The following RERE variants were observed in gnomAD, a reference collection of about 807,000 sequenced individuals.
RERE encodes the protein arginine-glutamic acid dipeptide repeats, also known as arginine-glutamic acid dipeptide repeats protein.
In RERE, 40 loss-of-function variants were observed where a neutral mutation model predicts 146.1. The observed-to-expected ratio is 0.27, with a 90% CI of 0.21 to 0.36. The LOEUF is 0.36. Ranked by LOEUF, RERE falls within the 10% of genes least tolerant of loss-of-function variation. The pLI is 1.00. For missense variants in RERE, 1,933 were observed against 2,138.7 expected (o/e 0.90, Z 1.90); for synonymous variants, 1,003 against 866.0 (o/e 1.16, Z -2.78).
chr1:8,423,594 C>T lies in RERE; in HGVS notation c.1204-787G>A. On this transcript the variant is annotated intron_variant, in intron 11 of 22. Transcript: ENST00000400908. This position sits in a 1 kb window ranked among gnomAD's most constrained non-coding sequence, Gnocchi z 5.4. The stretch of plus-strand genomic sequence containing the variant: ...TCCCAGCCTGGTCCCGGGCGGCCGA[C>T]CCCAGCAGCCACAGGTAAGCGCCCG... The T allele has an allele frequency of 1.0e-6, 1 of 985,274 alleles. No individual in the cohort carries two copies. Among genetic ancestry groups the T allele is most frequent in the Non-Finnish European group, 1.2e-6 (1 of 829,894 alleles). 61.0% of individuals were successfully genotyped at this position (985,274 alleles called of 1,614,324 possible).
intron 1 of RERE, among the ~76,000 whole-genome samples, chr1:8,744,640 A>C (rs968574649): frequency 6.6e-6 from 1 of 152,246 alleles, no homozygotes; most frequent in Admixed American, 6.5e-5. Flanking sequence ...GGTCTAAAAG[A>C]GATGACCTTC....
intron 1 of RERE, among the ~76,000 whole-genome samples, chr1:8,767,450 A>T (rs1640869254): frequency 6.6e-6 from 1 of 151,972 alleles, no homozygotes; most frequent in Admixed American, 6.6e-5. Context: ...AAAGCAAGTC[A>T]AAATTAGCTG....
chr1:8,786,991 T>C, intron 1 of RERE: 1 of 604,896 alleles, frequency 1.7e-6, no homozygotes, highest in Non-Finnish European at 2.9e-6. Context: ...AAAGTGATCT[T>C]TATAAGACAG....
chr1:8,403,413 C>A (rs568803293), intron 12 of RERE, among the ~76,000 whole-genome samples: 1 of 149,038 alleles, frequency 6.7e-6, no homozygotes. Context: ...ATCAGCCTTG[C>A]TGTATTATAT....
chr1:8,589,789 C>T (rs1646470061), intron 4 of RERE, among the ~76,000 whole-genome samples: 2 of 152,222 alleles, frequency 1.3e-5, no homozygotes, highest in Admixed American at 1.3e-4. Context: ...GAGGGCTTAG[C>T]CATTCCCAGG....
At chr1:8,751,260 G>A (rs1640529098) in intron 1 of RERE, among the ~76,000 whole-genome samples, 1 of 152,094 alleles carries the variant, frequency 6.6e-6, no homozygotes, top group African/African-American at 2.4e-5. Flanking sequence ...ACCTCTGCCA[G>A]CCCTGCTACT....
intron 4 of RERE, among the ~76,000 whole-genome samples, chr1:8,564,209 G>C (rs1016249296): frequency 1.3e-5 from 2 of 152,300 alleles, no homozygotes; most frequent in East Asian, 3.9e-4. Context: ...AAAGATCAAA[G>C]CTAACTCCAG....
chr1:8,783,073 C>G (rs1641194974), intron 1 of RERE, among the ~76,000 whole-genome samples: 1 of 152,124 alleles, frequency 6.6e-6, no homozygotes, highest in East Asian at 1.9e-4. Context: ...GTGGTTCATG[C>G]CTATAATTCC....
intron 10 of RERE, among the ~76,000 whole-genome samples, chr1:8,476,327 T>C (rs1644755757): frequency 6.6e-6 from 1 of 152,212 alleles, no homozygotes; most frequent in African/African-American, 2.4e-5. Context: ...TCTAGGAAGA[T>C]GTCCCTACCC....
intron 1 of RERE, among the ~76,000 whole-genome samples, chr1:8,730,421 C>T (rs143421494): frequency 2.8e-4 from 43 of 152,294 alleles, no homozygotes; most frequent in African/African-American, 4.1e-4. Flanking sequence ...CGGCTCACCG[C>T]GAGCTCCGCC....
In RERE at chr1:8,673,795, G is replaced by T. The variant is rs1638775005; in HGVS notation, c.-144-17354C>A. ...GCAGTGGCTCATGCCTGTAATCGCA[G>T]CACTTTGGGAGCCAAGGCAGGTAGA... On this transcript the variant is annotated intron_variant, in intron 1 of 22. Transcript: ENST00000400908. 4.6e-5 allele frequency among the ~76,000 whole-genome samples: 7 copies of T among 152,292 alleles called. No individual in the cohort carries two copies. In the South Asian group the frequency reaches 1.4e-3, roughly 32 times the overall value.
intron 1 of RERE, among the ~76,000 whole-genome samples, chr1:8,767,172 G>C (rs1640865100): frequency 6.6e-6 from 1 of 152,168 alleles, no homozygotes. Context: ...AGCATTACTG[G>C]TTGAAAACCG....
chr1:8,510,098 G>A (rs1557665681), intron 7 of RERE, among the ~76,000 whole-genome samples: 1 of 152,134 alleles, frequency 6.6e-6, no homozygotes, highest in African/African-American at 2.4e-5. Context: ...AGGAGGAGAA[G>A]ACGAAGAAGA....
chr1:8,767,345 G>A (rs1640867544), intron 1 of RERE, among the ~76,000 whole-genome samples: 2 of 152,210 alleles, frequency 1.3e-5, no homozygotes, highest in Admixed American at 6.5e-5. Context: ...GCTCATGCCT[G>A]TAATCCCAAT....
chr1:8,595,036 G>C (rs531926003), intron 4 of RERE, among the ~76,000 whole-genome samples: 2 of 151,856 alleles, frequency 1.3e-5, no homozygotes, highest in Non-Finnish European at 2.9e-5. Flanking sequence ...GCATGTGCTT[G>C]TGTGGTCCCA....
chr1:8,706,088 G>A (rs1371759305), intron 1 of RERE, among the ~76,000 whole-genome samples: 1 of 145,044 alleles, frequency 6.9e-6, no homozygotes, highest in Non-Finnish European at 1.5e-5. Flanking sequence ...ACTCCAGGCT[G>A]GGTGACAGAG....
chr1:8,594,109 C>T (rs1333288708), intron 4 of RERE, among the ~76,000 whole-genome samples: 1 of 152,172 alleles, frequency 6.6e-6, no homozygotes. Flanking sequence ...ACTACATTAT[C>T]GCTTTTTATT....
chr1:8,778,825 A>AT (rs1310935054), intron 1 of RERE, among the ~76,000 whole-genome samples: 3 of 151,868 alleles, frequency 2.0e-5, no homozygotes, highest in Non-Finnish European at 4.4e-5. Flanking sequence ...AAAAAAAAAA[A>AT]GAAAAAGAAA....
intron 8 of RERE, among the ~76,000 whole-genome samples, chr1:8,505,694 C>T (rs1184740858): frequency 6.6e-6 from 1 of 152,078 alleles, no homozygotes; most frequent in Non-Finnish European, 1.5e-5. Flanking sequence ...CCATGCCTAC[C>T]TAATTTTTGT....
Sources: allele counts gnomAD v4.1 joint callset (sites outside exome capture counted in the v4.1 genomes callset), GRCh38; gene constraint gnomAD v4.1.1; non-coding constraint Gnocchi (gnomAD v3.1); transcripts MANE v1.5; gene names NCBI Gene and HGNC (gene_info 2026-07-23, HGNC 2026-07-21).